Variants in IMMP2L observed in about 807,000 individuals in gnomAD.
The protein encoded by IMMP2L is mitochondrial inner membrane protease subunit 2.
In IMMP2L, 18 loss-of-function variants were observed where a neutral mutation model predicts 19.3. The ratio of observed to expected loss-of-function variants is 0.93; its 90% CI spans 0.64 to 1.38. The LOEUF is 1.38. Ranked by LOEUF, IMMP2L falls within the 40% of genes most tolerant of loss-of-function variation. The pLI is 0.00. For missense variants in IMMP2L, 233 were observed against 218.2 expected, an observed-to-expected ratio of 1.07 and a Z score of -0.43; for synonymous variants, 76 against 73.0, an observed-to-expected ratio of 1.04 and a Z score of -0.21.
At chr7:111,069,128 T>G (rs1369847839) in intron 3 of IMMP2L, among the ~76,000 whole-genome samples, 1 of 152,214 alleles carries the variant, frequency 6.6e-6, no homozygotes, top group Non-Finnish European at 1.5e-5. Flanking sequence ...AATGTTCCCA[T>G]CTTTAAATTG....
chr7:111,338,091 G>A (rs888940787), intron 3 of IMMP2L, among the ~76,000 whole-genome samples: 3 of 152,140 alleles, frequency 2.0e-5, no homozygotes, highest in African/African-American at 7.2e-5. Context: ...AAGGGCAGAA[G>A]CACAGTGAAA....
Position 111,130,539 on chromosome 7 carries a change from C to T in IMMP2L, c.240-166974G>A, listed in dbSNP as rs1250929926. 2.0e-5 allele frequency among the ~76,000 whole-genome samples: 3 copies of T among 152,174 alleles called. No individual in the cohort carries two copies. The East Asian group carries it at 5.8e-4, about 29-fold the overall frequency. ...CTGAAGTTATTGATTCAAAATCCAA[C>T]TGTGATACTCCTTAGTAATGTTTAC... is the stretch of plus-strand genomic sequence containing the variant. On this transcript the variant is annotated intron_variant, in intron 3 of 5. Transcript: ENST00000405709.
intron 3 of IMMP2L, among the ~76,000 whole-genome samples, chr7:111,373,945 G>GT (rs147463049): frequency 6.6e-6 from 1 of 151,786 alleles, no homozygotes; most frequent in Non-Finnish European, 1.5e-5. Flanking sequence ...GTTGAGGTGG[G>GT]TTTTTTTCCC....
intron 5 of IMMP2L, among the ~76,000 whole-genome samples, chr7:110,679,747 T>C (rs1792573745): frequency 6.6e-6 from 1 of 152,192 alleles, no homozygotes; most frequent in East Asian, 1.9e-4. Context: ...CCCTTTCCTC[T>C]TTTGTCTCTA....
intron 3 of IMMP2L, among the ~76,000 whole-genome samples, chr7:111,305,145 G>T (rs902537084): frequency 7.9e-5 from 12 of 151,942 alleles, no homozygotes; most frequent in African/African-American, 2.9e-4. Flanking sequence ...GTCTTGCAAG[G>T]GTTAAGAAGA....
rs371544246 is a variant in IMMP2L, at chr7:111,516,804, C to T, written c.135+4509G>A. Reference sequence around the variant, plus strand: ...CCAAAAGTAATTTGGGCAGAAAGCACGCAAGTAAGCCAATAAAGCATTCCA... The same window carrying T: ...CCAAAAGTAATTTGGGCAGAAAGCATGCAAGTAAGCCAATAAAGCATTCCA... On this transcript the variant is annotated intron_variant, in intron 2 of 5. Coordinates refer to ENST00000405709, the MANE Select transcript of IMMP2L (RefSeq NM_032549.4). Among the ~76,000 whole-genome samples the T allele has an allele frequency of 5.3e-5, 8 of 152,194 alleles. No homozygotes were observed. In the East Asian group the frequency reaches 7.7e-4, roughly 15 times the overall value.
chr7:110,920,178 C>T (rs1451856320), intron 4 of IMMP2L, among the ~76,000 whole-genome samples: 1 of 152,148 alleles, frequency 6.6e-6, no homozygotes, highest in Non-Finnish European at 1.5e-5. Flanking sequence ...GACAGCCTAT[C>T]GTGGCCTGTT....
chr7:110,834,541 C>T (rs559698506), intron 5 of IMMP2L, among the ~76,000 whole-genome samples: 8 of 152,102 alleles, frequency 5.3e-5, no homozygotes, highest in Admixed American at 2.0e-4. Context: ...CTTTGTGCTC[C>T]GTCCTTCCAA....
At chr7:110,952,202 C>G (rs1817898815) in intron 4 of IMMP2L, among the ~76,000 whole-genome samples, 2 of 152,080 alleles carry the variant, frequency 1.3e-5, no homozygotes, top group African/African-American at 4.8e-5. Flanking sequence ...TACTGTTTCT[C>G]TATATCACTA....
chr7:110,879,292 G>A (rs565359954), intron 5 of IMMP2L, among the ~76,000 whole-genome samples: 1 of 151,926 alleles, frequency 6.6e-6, no homozygotes, highest in Admixed American at 6.6e-5. Flanking sequence ...GGAGGCTGAG[G>A]TAGGAGAATC....
intron 5 of IMMP2L, among the ~76,000 whole-genome samples, chr7:110,786,363 T>G (rs569526710): frequency 6.6e-6 from 1 of 152,054 alleles, no homozygotes; most frequent in African/African-American, 2.4e-5. Flanking sequence ...TGAGAACAGA[T>G]GAGAGTTCAA....
chr7:111,171,205 C>G (rs892202019), intron 3 of IMMP2L, among the ~76,000 whole-genome samples: 1 of 151,606 alleles, frequency 6.6e-6, no homozygotes, highest in African/African-American at 2.4e-5. Flanking sequence ...TACACACACA[C>G]ACAAAGACAT....
chr7:111,545,683 C>T (rs1365605106), intron 1 of IMMP2L, among the ~76,000 whole-genome samples: 1 of 152,168 alleles, frequency 6.6e-6, no homozygotes, highest in African/African-American at 2.4e-5. Flanking sequence ...TTATCAGATA[C>T]ATGAACTGCA....
chr7:110,941,081 G>C (rs888584803), intron 4 of IMMP2L, among the ~76,000 whole-genome samples: 3 of 152,140 alleles, frequency 2.0e-5, no homozygotes, highest in African/African-American at 4.8e-5. Flanking sequence ...TAAAATGGAA[G>C]TAAGAACCTA....
At chr7:111,411,504 T>C (rs189621334) in intron 3 of IMMP2L, 8 of 440,880 alleles carry the variant, frequency 1.8e-5, no homozygotes, top group South Asian at 1.2e-4. Context: ...ATTGACATTA[T>C]GGAGAACTGC....
At chr7:110,859,904 A>G (rs1352326872) in intron 5 of IMMP2L, among the ~76,000 whole-genome samples, 2 of 152,124 alleles carry the variant, frequency 1.3e-5, no homozygotes, top group Middle Eastern at 3.2e-3. Context: ...CTTCACAATC[A>G]TACTCATAAA....
At chr7:110,718,752 A>T (rs754435978) in intron 5 of IMMP2L, among the ~76,000 whole-genome samples, 2 of 152,158 alleles carry the variant, frequency 1.3e-5, no homozygotes, top group Non-Finnish European at 2.9e-5. Context: ...AGGCAGATTT[A>T]GCTGGGTGTG....
At chr7:111,129,633 C>T (rs1278554160) in intron 3 of IMMP2L, among the ~76,000 whole-genome samples, 1 of 152,002 alleles carries the variant, frequency 6.6e-6, no homozygotes. Flanking sequence ...TACTGGAATG[C>T]CACATCTAGA....
chr7:111,020,508 T>C (rs1409825378), intron 3 of IMMP2L, among the ~76,000 whole-genome samples: 1 of 152,224 alleles, frequency 6.6e-6, no homozygotes, highest in East Asian at 1.9e-4. Context: ...ACGCCTGTAA[T>C]CCCAGCACTT....
Sources: allele counts gnomAD v4.1 joint callset (sites outside exome capture counted in the v4.1 genomes callset), GRCh38; gene constraint gnomAD v4.1.1; transcripts MANE v1.5; gene names NCBI Gene and HGNC (gene_info 2026-07-23, HGNC 2026-07-21).